GUCY1A2: variants seen among roughly 807,000 people sequenced by gnomAD.
GUCY1A2 encodes the protein guanylate cyclase 1 soluble subunit alpha 2.
In GUCY1A2, 27 loss-of-function variants were observed where a neutral mutation model predicts 63.5. The observed-to-expected ratio is 0.43, with a 90% CI of 0.31 to 0.59. The LOEUF (loss-of-function observed/expected upper bound fraction) is 0.59, where lower values mean the gene tolerates loss of function less well. Among genes scored for constraint, GUCY1A2 ranks in the 20% least tolerant of loss-of-function variants. GUCY1A2 has a pLI of 0.11. For missense variants in GUCY1A2, 768 were observed against 913.3 expected (o/e 0.84, Z 2.05); for synonymous variants, 364 against 343.5 (o/e 1.06, Z -0.66).
At chr11:106,706,630 C>A (rs1862917753) in intron 7 of GUCY1A2, among the ~76,000 whole-genome samples, 1 of 149,072 alleles carries the variant, frequency 6.7e-6, no homozygotes, top group African/African-American at 2.5e-5. Flanking sequence ...ACTCCTCACA[C>A]AGGTTGGGCC....
At chr11:106,825,043 G>A (rs566227404) in intron 4 of GUCY1A2, 36 of 1,208,956 alleles carry the variant, frequency 3.0e-5, no homozygotes, top group Admixed American at 7.1e-5. Flanking sequence ...GTTTTTAAAA[G>A]AATTTCATAG....
intron 6 of GUCY1A2, among the ~76,000 whole-genome samples, chr11:106,722,788 G>C (rs967775378): frequency 0.016 from 839 of 51,938 alleles, 9 homozygotes; most frequent in African/African-American, 0.047. Flanking sequence ...CCAGTTCTGT[G>C]TGTGTGTGTG....
At chr11:106,863,759 A>C (rs1859547797) in intron 4 of GUCY1A2, among the ~76,000 whole-genome samples, 1 of 152,074 alleles carries the variant, frequency 6.6e-6, no homozygotes, top group Non-Finnish European at 1.5e-5. Context: ...GATTCTTCCT[A>C]TCCACGAGCA....
At chr11:106,958,126 T>A (rs1861014065) in intron 3 of GUCY1A2, among the ~76,000 whole-genome samples, 1 of 152,182 alleles carries the variant, frequency 6.6e-6, no homozygotes, top group Non-Finnish European at 1.5e-5. Flanking sequence ...ATGCTAATAC[T>A]TCTATACTTC....
chr11:107,000,139 GA>G (rs959327328), intron 1 of GUCY1A2, among the ~76,000 whole-genome samples: 24 of 152,110 alleles, frequency 1.6e-4, no homozygotes, highest in African/African-American at 5.6e-4. Context: ...TACTTTTGGA[GA>G]AAAAAATTTA....
chr11:106,705,494 T>C (rs768060647), intron 7 of GUCY1A2, among the ~76,000 whole-genome samples: 35 of 152,256 alleles, frequency 2.3e-4, no homozygotes, highest in South Asian at 1.7e-3. Flanking sequence ...TAAAATACCA[T>C]TTATGAAAAT....
chr11:106,945,828 G>T (rs1860820430), intron 3 of GUCY1A2, among the ~76,000 whole-genome samples: 1 of 152,196 alleles, frequency 6.6e-6, no homozygotes, highest in Non-Finnish European at 1.5e-5. Context: ...TCTGGGCATG[G>T]TGGCGCATGC....
Position 106,781,112 on chromosome 11 carries a change from C to CAAAA in GUCY1A2, c.1693-4534_1693-4531dup, listed in dbSNP as rs565279937. Among the ~76,000 whole-genome samples the CAAAA allele has an allele frequency of 2.2e-3, 198 of 88,830 alleles. 1 individual carries two copies. The highest frequency in any genetic ancestry group is 0.019 in the Middle Eastern group (3 of 154). The allele number at this position is 88,830 out of a possible 152,430, so 58.3% of individuals were successfully genotyped here. On this transcript the variant is annotated intron_variant, in intron 5 of 7. Coordinates refer to ENST00000526355, the MANE Select transcript of GUCY1A2 (RefSeq NM_000855.3). ...ACAAGTGGACATGGTAAACAGACTA[C>CAAAA]AAAAAAAAAAAAAAAAAAAAAGAAA...
chr11:106,909,228 A>G, intron 4 of GUCY1A2, among the ~76,000 whole-genome samples: 1 of 151,966 alleles, frequency 6.6e-6, no homozygotes, highest in Non-Finnish European at 1.5e-5. Context: ...AAGAAATAAC[A>G]GAGATCTTGG....
intron 6 of GUCY1A2, among the ~76,000 whole-genome samples, chr11:106,709,272 TATATA>T (rs1862988088): frequency 1.4e-5 from 1 of 69,094 alleles, no homozygotes. Context: ...AATATATTTA[TATATA>T]TAAATTTATA....
intron 4 of GUCY1A2, among the ~76,000 whole-genome samples, chr11:106,877,024 G>T (rs1157362127): frequency 6.6e-6 from 1 of 152,052 alleles, no homozygotes; most frequent in Non-Finnish European, 1.5e-5. Flanking sequence ...ACGAAGCAAA[G>T]GTTATAGTGA....
chr11:106,901,526 T>C (rs563801533), intron 4 of GUCY1A2, among the ~76,000 whole-genome samples: 2 of 152,334 alleles, frequency 1.3e-5, no homozygotes, highest in South Asian at 4.1e-4. Context: ...TAAGTTCTAG[T>C]GTACATGTGC....
At chr11:106,891,727 G>A (rs1859977533) in intron 4 of GUCY1A2, among the ~76,000 whole-genome samples, 1 of 151,960 alleles carries the variant, frequency 6.6e-6, no homozygotes, top group Admixed American at 6.6e-5. Flanking sequence ...ATATATATTT[G>A]AACCTATTTC....
intron 4 of GUCY1A2, among the ~76,000 whole-genome samples, chr11:106,881,230 C>T (rs80173289): frequency 0.024 from 3,683 of 152,058 alleles, 139 homozygotes; most frequent in African/African-American, 0.083. Context: ...AGCAATGTTA[C>T]ATATAGGGTT....
At chr11:106,688,128 C>A (rs188911394) in intron 7 of GUCY1A2, among the ~76,000 whole-genome samples, 1 of 152,092 alleles carries the variant, frequency 6.6e-6, no homozygotes, top group Non-Finnish European at 1.5e-5. Flanking sequence ...CAGGATTTAC[C>A]TTTTCCGTTT....
At chr11:106,876,392 A>C (rs933562497) in intron 4 of GUCY1A2, among the ~76,000 whole-genome samples, 1 of 151,208 alleles carries the variant, frequency 6.6e-6, no homozygotes, top group Non-Finnish European at 1.5e-5. Context: ...TTGTAAAAAA[A>C]TTAATAATTG....
chr11:106,692,580 G>A (rs1469954611), intron 7 of GUCY1A2, among the ~76,000 whole-genome samples: 1 of 151,980 alleles, frequency 6.6e-6, no homozygotes, highest in Non-Finnish European at 1.5e-5. Flanking sequence ...CTTGGGAAAG[G>A]GTCTGACACT....
At chr11:106,906,636 CAT>C (rs1351346296) in intron 4 of GUCY1A2, among the ~76,000 whole-genome samples, 2 of 152,266 alleles carry the variant, frequency 1.3e-5, no homozygotes, top group Middle Eastern at 3.4e-3. Context: ...CACATGCACA[CAT>C]ATGTTTATTG....
chr11:106,747,130 G>A (rs2135382637), intron 6 of GUCY1A2, among the ~76,000 whole-genome samples: 1 of 152,240 alleles, frequency 6.6e-6, no homozygotes, highest in Non-Finnish European at 1.5e-5. Flanking sequence ...TCGGACTACA[G>A]GCGCCTGCCA....
Sources: gnomAD v4.1 joint callset for allele counts (sites outside exome capture counted in the v4.1 genomes callset) on GRCh38, gnomAD v4.1.1 for gene constraint, MANE v1.5 for transcripts, NCBI Gene and HGNC (gene_info 2026-07-23, HGNC 2026-07-21) for gene names.